SLC24A2: variants seen among roughly 807,000 people sequenced by gnomAD.
SLC24A2 encodes the protein sodium/potassium/calcium exchanger 2.
In SLC24A2, 36 loss-of-function variants were observed where a neutral mutation model predicts 62.0. That is an observed-to-expected ratio of 0.58 (90% CI 0.44 to 0.77). SLC24A2 has a LOEUF of 0.77. Among genes scored for constraint, SLC24A2 ranks in the 30% least tolerant of loss-of-function variants. The probability of loss-of-function intolerance (pLI) is 0.00; values close to 1 mark genes in which losing one functional copy is unlikely to be tolerated. For synonymous variants in SLC24A2, 358 were observed against 294.0 expected (o/e 1.22, Z -2.23); for missense variants, 846 against 817.9 (o/e 1.03, Z -0.42).
rs924021415 is a variant in SLC24A2 at position 19,507,562 on chromosome 9, T to C, written c.*8591A>G. The C allele has an allele frequency of 1.1e-4, 17 of 152,302 alleles. No individual in the cohort carries two copies. The highest frequency in any genetic ancestry group is 3.6e-4 in the African/African-American group (15 of 41,554). 9.4% of individuals were successfully genotyped at this position (152,302 alleles called of 1,614,324 possible). A position where few individuals can be genotyped will look rare whatever the true frequency, so the allele number is the denominator to read the frequency against. On this transcript the variant is annotated 3_prime_UTR_variant, in exon 11 of 11. Coordinates refer to ENST00000341998, the MANE Select transcript of SLC24A2 (RefSeq NM_020344.4). Reference sequence around the variant, plus strand: ...TATCAGTAGTAGAAGCACAAAGGTATGGACAGTGAAACAAGAAGAAACACC... The same window carrying C: ...TATCAGTAGTAGAAGCACAAAGGTACGGACAGTGAAACAAGAAGAAACACC...
intron 2 of SLC24A2, among the ~76,000 whole-genome samples, chr9:19,672,999 T>C (rs185192394): frequency 1.4e-5 from 2 of 146,680 alleles, no homozygotes; most frequent in Admixed American, 6.7e-5. Flanking sequence ...GTCAACAGAA[T>C]GTATATTCTG....
chr9:20,103,304 G>A, the SLC24A2 span, among the ~76,000 whole-genome samples: 268 of 152,302 alleles, frequency 1.8e-3, 1 homozygote, highest in Non-Finnish European at 2.8e-3. Context: ...AGTAACCTCT[G>A]CAGACTTAAA....
intron 2 of SLC24A2, among the ~76,000 whole-genome samples, chr9:19,709,341 G>A (rs1281932329): frequency 6.6e-6 from 1 of 152,258 alleles, no homozygotes; most frequent in Admixed American, 6.5e-5. Flanking sequence ...GTGGAAGTCA[G>A]TGTGGCAATT....
the SLC24A2 span, among the ~76,000 whole-genome samples, chr9:20,094,885 T>C: frequency 1.3e-5 from 2 of 152,196 alleles, no homozygotes; most frequent in Admixed American, 6.5e-5. Context: ...AGTTATTTAA[T>C]ATTTCAGTTT....
chr9:20,272,786 C>CA, the SLC24A2 span, among the ~76,000 whole-genome samples: 1 of 152,028 alleles, frequency 6.6e-6, no homozygotes, highest in African/African-American at 2.4e-5. Context: ...CTCCCTACAG[C>CA]AAAAAAGAGG....
At chr9:19,905,592 T>G in the SLC24A2 span, among the ~76,000 whole-genome samples, 1 of 152,034 alleles carries the variant, frequency 6.6e-6, no homozygotes, top group Admixed American at 6.6e-5. Context: ...TTTGTATTTT[T>G]AGTAGAGACG....
At chr9:20,216,085 T>C in the SLC24A2 span, among the ~76,000 whole-genome samples, 2 of 80,582 alleles carry the variant, frequency 2.5e-5, no homozygotes, top group African/African-American at 8.1e-5. Flanking sequence ...CATAAAGCCA[T>C]TCAAACCAAA....
the SLC24A2 span, among the ~76,000 whole-genome samples, chr9:19,890,427 T>G: frequency 3.9e-5 from 6 of 152,314 alleles, no homozygotes; most frequent in East Asian, 1.2e-3. Context: ...CCAATGTCAA[T>G]GGGCAATTTT....
At chr9:20,223,195 T>C in the SLC24A2 span, among the ~76,000 whole-genome samples, 1 of 152,070 alleles carries the variant, frequency 6.6e-6, no homozygotes, top group Non-Finnish European at 1.5e-5. Flanking sequence ...AGAAAAGATA[T>C]ACTATAACTT....
At chr9:20,281,239 A>T in the SLC24A2 span, among the ~76,000 whole-genome samples, 7 of 152,288 alleles carry the variant, frequency 4.6e-5, no homozygotes, top group Non-Finnish European at 7.4e-5. Flanking sequence ...CCAAGCATGA[A>T]GTTTTTAAGA....
At chr9:20,188,939 T>C in the SLC24A2 span, among the ~76,000 whole-genome samples, 1 of 152,204 alleles carries the variant, frequency 6.6e-6, no homozygotes, top group Non-Finnish European at 1.5e-5. Context: ...GGGAAATTAA[T>C]ACAAGCAGGA....
the SLC24A2 span, among the ~76,000 whole-genome samples, chr9:20,100,164 A>C: frequency 6.6e-6 from 1 of 151,542 alleles, no homozygotes; most frequent in Non-Finnish European, 1.5e-5. Context: ...GGCGCATGCC[A>C]CTTGGCTAAC....
At chr9:19,746,859 G>A (rs889391876) in intron 2 of SLC24A2, among the ~76,000 whole-genome samples, 1 of 152,020 alleles carries the variant, frequency 6.6e-6, no homozygotes, top group Non-Finnish European at 1.5e-5. Context: ...CCTTTTGGGG[G>A]TTCTTATAGG....
the SLC24A2 span, among the ~76,000 whole-genome samples, chr9:20,045,256 T>C: frequency 0.025 from 3,761 of 152,224 alleles, 131 homozygotes; most frequent in African/African-American, 0.079. Flanking sequence ...ATGATCGCAT[T>C]AATAAACACA....
At chr9:19,651,335 G>A (rs529383926) in intron 2 of SLC24A2, among the ~76,000 whole-genome samples, 2 of 152,304 alleles carry the variant, frequency 1.3e-5, no homozygotes, top group South Asian at 2.1e-4. Flanking sequence ...TGAAGGTGAT[G>A]TTATCATTCC....
chr9:20,057,501 A>T, the SLC24A2 span, among the ~76,000 whole-genome samples: 2 of 152,196 alleles, frequency 1.3e-5, no homozygotes, highest in Non-Finnish European at 2.9e-5. Flanking sequence ...TGGCTAAAAA[A>T]TGGAGAGAAA....
chr9:19,766,989 G>A (rs768054936), intron 2 of SLC24A2, among the ~76,000 whole-genome samples: 6 of 152,170 alleles, frequency 3.9e-5, no homozygotes, highest in Non-Finnish European at 8.8e-5. Flanking sequence ...GTGATGCCCT[G>A]CCCAGAGAGG....
At chr9:19,813,838 T>C in the SLC24A2 span, among the ~76,000 whole-genome samples, 1 of 152,064 alleles carries the variant, frequency 6.6e-6, no homozygotes, top group African/African-American at 2.4e-5. Flanking sequence ...TGTGAGGACA[T>C]AGGGAGAATG....
intron 4 of SLC24A2, among the ~76,000 whole-genome samples, chr9:19,607,507 G>C (rs538431346): frequency 6.6e-6 from 1 of 152,212 alleles, no homozygotes; most frequent in Admixed American, 6.5e-5. Context: ...ATAACCTGAG[G>C]TCAGGAGTTC....
Sources: allele counts gnomAD v4.1 joint callset (sites outside exome capture counted in the v4.1 genomes callset), GRCh38; gene constraint gnomAD v4.1.1; transcripts MANE v1.5; gene names NCBI Gene and HGNC (gene_info 2026-07-23, HGNC 2026-07-21).